The following BUB3 variants were observed in gnomAD, a reference collection of about 807,000 sequenced individuals.
BUB3 encodes BUB3 mitotic checkpoint protein, also known as mitotic checkpoint protein BUB3.
Under a neutral mutation model 39.9 loss-of-function variants are expected in BUB3, and 22 were observed. The ratio of observed to expected loss-of-function variants is 0.55; its 90% CI spans 0.39 to 0.79. The LOEUF (loss-of-function observed/expected upper bound fraction) is 0.79, where lower values mean the gene tolerates loss of function less well. BUB3 is among the 30% of genes least tolerant of loss of function. The pLI is 0.00. For synonymous variants in BUB3, 168 were observed against 155.1 expected (o/e 1.08, Z -0.62); for missense variants, 303 against 415.4 (o/e 0.73, Z 2.35).
In BUB3 at chr10:123,169,634, C is replaced by G. The variant is rs78368091; in HGVS notation, c.*5799C>G. The G allele has an allele frequency of 6.6e-6, 1 of 152,146 alleles. No homozygotes were observed. Among genetic ancestry groups the G allele is most frequent in the Non-Finnish European group, 1.5e-5 (1 of 68,026 alleles). 9.4% of individuals were successfully genotyped at this position (152,146 alleles called of 1,614,324 possible). ...GCAATGTGGGCAGAAATTCCTTGTT[C>G]GAGAGCCTTCTGGTTATACTTTAAA... is the stretch of plus-strand genomic sequence containing the variant. On this transcript the variant is annotated 3_prime_UTR_variant, in exon 8 of 8. Coordinates refer to ENST00000368865, the MANE Select transcript of BUB3 (RefSeq NM_004725.4).
chr10:123,161,310 A>G (rs534253627), intron 5 of BUB3, among the ~76,000 whole-genome samples: 2 of 152,302 alleles, frequency 1.3e-5, no homozygotes, highest in African/African-American at 2.4e-5. Flanking sequence ...TGAAGCAGGT[A>G]TGTTATTCTC....
intron 3 of BUB3, 40 bp from the exon 4 acceptor site, chr10:123,157,689 C>A: frequency 1.3e-6 from 2 of 1,527,498 alleles, no homozygotes; most frequent in Admixed American, 2.0e-5. Flanking sequence ...AGGTAGTAAG[C>A]TAGATGTTGG....
chr10:123,169,676 A>C lies in BUB3; in HGVS notation c.*5841A>C, dbSNP rs944112910. The C allele has an allele frequency of 5.3e-5, 8 of 152,232 alleles. No homozygotes were observed. Among genetic ancestry groups the C allele is most frequent in the African/African-American group, 1.9e-4 (8 of 41,462 alleles). 9.4% of individuals were successfully genotyped at this position (152,232 alleles called of 1,614,324 possible). A position where few individuals can be genotyped will look rare whatever the true frequency, so the allele number is the denominator to read the frequency against. ...TACTTTAAAAAGAAGGGAGCCTAGC[A>C]TCTTGTCAAATCTTTGAGCCCACTC... On this transcript the variant is annotated 3_prime_UTR_variant, in exon 8 of 8. Coordinates refer to ENST00000368865, the MANE Select transcript of BUB3 (RefSeq NM_004725.4).
In BUB3 at chr10:123,162,826, C is replaced by A. The variant is rs1419119937; in HGVS notation, c.969C>A (p.Pro323=). The A allele has an allele frequency of 6.2e-7, 1 of 1,610,796 alleles. No individual in the cohort carries two copies. Among genetic ancestry groups the A allele is most frequent in the Non-Finnish European group, 8.5e-7 (1 of 1,178,160 alleles). Residue 323 remains proline (P), a splice_region_variant and synonymous_variant, in exon 7 of 8, where the codon CCC becomes CCA. Transcript: ENST00000368865. The part of the protein sequence containing the change: ...IRQVTDAETK[P]KSPCT ...AAGTGACAGATGCAGAAACAAAACC[C>A]AAGTGAGTATGCTTCACCTGTATTT...
intron 2 of BUB3, 99 bp from the exon 3 acceptor site, chr10:123,155,559 C>G: frequency 8.9e-7 from 1 of 1,118,394 alleles, no homozygotes; most frequent in Non-Finnish European, 1.3e-6. Flanking sequence ...GAGCCCAGTG[C>G]ATATCCCGAG....
In BUB3 at chr10:123,168,207, C is replaced by A. The variant is rs532404421; in HGVS notation, c.*4372C>A. 26 of 152,328 alleles carry A rather than the reference C, an allele frequency of 1.7e-4. No homozygotes were observed. Among genetic ancestry groups the A allele is most frequent in the African/African-American group, 5.5e-4 (23 of 41,574 alleles). The allele number at this position is 152,328 out of a possible 1,614,324, so 9.4% of individuals were successfully genotyped here. A position where few individuals can be genotyped will look rare whatever the true frequency, so the allele number is the denominator to read the frequency against. ...CACACTGTATGTCAGGGCTCCAGAACTTACTCATCTCATAGGAGGCAGCTA... is the reference window on the plus strand; with the variant it reads ...CACACTGTATGTCAGGGCTCCAGAAATTACTCATCTCATAGGAGGCAGCTA... On this transcript the variant is annotated 3_prime_UTR_variant, in exon 8 of 8. Transcript: ENST00000368865.
intron 3 of BUB3, among the ~76,000 whole-genome samples, chr10:123,157,061 T>C (rs898994895): frequency 2.6e-5 from 4 of 152,204 alleles, no homozygotes; most frequent in Non-Finnish European, 4.4e-5. Context: ...TTCATTCCTA[T>C]ATCCTTAGCA....
At chr10:123,154,844 C>A (rs572737669) in intron 1 of BUB3, 74 bp from the exon 2 acceptor site, 1 of 1,494,610 alleles carries the variant, frequency 6.7e-7, no homozygotes, top group African/African-American at 1.4e-5. Context: ...TCTGGGGGGA[C>A]CCCCAGTGCC....
In BUB3 at chr10:123,166,223, T is replaced by G. The variant is rs1160654713; in HGVS notation, c.*2388T>G. 6.6e-6 allele frequency: 1 copy of G among 152,236 alleles called. No individual in the cohort carries two copies. Among genetic ancestry groups the G allele is most frequent in the Non-Finnish European group, 1.5e-5 (1 of 68,044 alleles). The allele number at this position is 152,236 out of a possible 1,614,324, so 9.4% of individuals were successfully genotyped here. ...CTTTAAGTGTCTCTTCTGTTTATCT[T>G]TTCTTCCTACTGCTACCATCCCAGG... On this transcript the variant is annotated 3_prime_UTR_variant, in exon 8 of 8. Coordinates refer to ENST00000368865, the MANE Select transcript of BUB3 (RefSeq NM_004725.4).
At chr10:123,158,141 T>C (rs1435386053) in intron 4 of BUB3, among the ~76,000 whole-genome samples, 1 of 152,232 alleles carries the variant, frequency 6.6e-6, no homozygotes, top group African/African-American at 2.4e-5. Flanking sequence ...AATCGCAAAA[T>C]TGAGAAGCAA....
rs1388431127 is a variant in BUB3, at chr10:123,168,084, G to A, written c.*4249G>A. On this transcript the variant is annotated 3_prime_UTR_variant, in exon 8 of 8. Coordinates refer to ENST00000368865, the MANE Select transcript of BUB3 (RefSeq NM_004725.4). ...CCCTAAGAGCTGGGATTATAGGCGT[G>A]AGCCACCCCACCCGGCCTATGTCAT... The A allele has an allele frequency of 2.0e-5, 3 of 152,020 alleles. No homozygotes were observed. In the East Asian group the frequency reaches 5.8e-4, roughly 29 times the overall value. The allele number at this position is 152,020 out of a possible 1,614,324, so 9.4% of individuals were successfully genotyped here. A position where few individuals can be genotyped will look rare whatever the true frequency, so the allele number is the denominator to read the frequency against.
rs1317264065 is a variant in BUB3 at position 123,162,226 on chromosome 10, C to T, written c.577-10C>T. On this transcript the variant is annotated splice_polypyrimidine_tract_variant and intron_variant, in intron 5 of 7. Transcript: ENST00000368865. The stretch of plus-strand genomic sequence containing the variant: ...TTTACCATTTTTTTCCTCTGGTTCT[C>T]TCTTGGCAGGGTTATGTATTAAGCT... 12 of 1,600,720 alleles carry T rather than the reference C, an allele frequency of 7.5e-6. No homozygotes were observed. Among genetic ancestry groups the T allele is most frequent in the Non-Finnish European group, 9.4e-6 (11 of 1,175,224 alleles).
rs1207378091 is a variant in BUB3, at chr10:123,155,643, A to T, written c.196-15A>T. 1.2e-6 allele frequency: 2 copies of T among 1,613,324 alleles called. No individual in the cohort carries two copies. Among genetic ancestry groups the T allele is most frequent in the South Asian group, 2.2e-5 (2 of 91,044 alleles). Reference sequence around the variant, plus strand: ...AAAAGTTCTAGTTTTTAAACGGTTCAAAACTATTTTATAGGATCCAACGCA... The same window carrying T: ...AAAAGTTCTAGTTTTTAAACGGTTCTAAACTATTTTATAGGATCCAACGCA... On this transcript the variant is annotated splice_polypyrimidine_tract_variant and intron_variant, in intron 2 of 7. Coordinates refer to ENST00000368865, the MANE Select transcript of BUB3 (RefSeq NM_004725.4).
In BUB3 at chr10:123,163,922, C is replaced by G; in HGVS notation, c.*87C>G. The G allele has an allele frequency of 1.4e-6, 2 of 1,390,434 alleles. No individual in the cohort carries two copies. Among genetic ancestry groups the G allele is most frequent in the Non-Finnish European group, 9.5e-7 (1 of 1,050,402 alleles). The allele number at this position is 1,390,434 out of a possible 1,614,324, so 86.1% of individuals were successfully genotyped here. A position where few individuals can be genotyped will look rare whatever the true frequency, so the allele number is the denominator to read the frequency against. On this transcript the variant is annotated 3_prime_UTR_variant, in exon 8 of 8. Coordinates refer to ENST00000368865, the MANE Select transcript of BUB3 (RefSeq NM_004725.4). The stretch of plus-strand genomic sequence containing the variant: ...GTGGATTTATTACTATTAAAGAAAC[C>G]AGGGAAAATATTAATTTTAATATTA...
At chr10:123,159,451 A>G (rs144296901) in intron 4 of BUB3, among the ~76,000 whole-genome samples, 15 of 152,382 alleles carry the variant, frequency 9.8e-5, no homozygotes, top group Middle Eastern at 3.4e-3. Context: ...ATTGAAAATA[A>G]TAGAGCACAG....
At position 123,165,016 on chromosome 10, in the gene BUB3, C is replaced by T. The variant is rs1844471510; in HGVS notation, c.*1181C>T. On this transcript the variant is annotated 3_prime_UTR_variant, in exon 8 of 8. Coordinates refer to ENST00000368865, the MANE Select transcript of BUB3 (RefSeq NM_004725.4). ...TGAAAACTTGGTGTAAGTCTGAACCCATCTTTTGAAATGTATTTTCTTCAT... is the reference window on the plus strand; with the variant it reads ...TGAAAACTTGGTGTAAGTCTGAACCTATCTTTTGAAATGTATTTTCTTCAT... 1.9e-6 allele frequency: 3 copies of T among 1,611,110 alleles called. No individual in the cohort carries two copies. The highest frequency in any genetic ancestry group is 2.5e-6 in the Non-Finnish European group (3 of 1,178,792).
At position 123,167,579 on chromosome 10, in the gene BUB3, T is replaced by G. The variant is rs989756791; in HGVS notation, c.*3744T>G. The stretch of plus-strand genomic sequence containing the variant: ...TTTGATATTGCTGAATTATATAGAC[T>G]CCTTTTAAAATAATTTGAAATATAA... On this transcript the variant is annotated 3_prime_UTR_variant, in exon 8 of 8. Transcript: ENST00000368865. 6.6e-6 allele frequency: 1 copy of G among 152,130 alleles called. No individual in the cohort carries two copies. Among genetic ancestry groups the G allele is most frequent in the African/African-American group, 2.4e-5 (1 of 41,416 alleles). The allele number at this position is 152,130 out of a possible 1,614,324, so 9.4% of individuals were successfully genotyped here.
In BUB3 at chr10:123,166,876, G is replaced by A. The variant is rs527614940; in HGVS notation, c.*3041G>A. ...TTGTTCTGTGGGAGATCCAGGCCTT[G>A]TTAGAAGGACCAAGGCCAGAATGCC... On this transcript the variant is annotated 3_prime_UTR_variant, in exon 8 of 8. Coordinates refer to ENST00000368865, the MANE Select transcript of BUB3 (RefSeq NM_004725.4). 22 of 152,324 alleles carry A rather than the reference G, an allele frequency of 1.4e-4. No individual in the cohort carries two copies. Among genetic ancestry groups the A allele is most frequent in the African/African-American group, 5.3e-4 (22 of 41,574 alleles). 9.4% of individuals were successfully genotyped at this position (152,324 alleles called of 1,614,324 possible).
In BUB3 at chr10:123,167,203, C is replaced by T. The variant is rs888629675; in HGVS notation, c.*3368C>T. Reference sequence around the variant, plus strand: ...TGGGGTTCTTCTCTTACGCTGAGAGCCAGGTTACTTTCTTCACTATCACTC... The same window carrying T: ...TGGGGTTCTTCTCTTACGCTGAGAGTCAGGTTACTTTCTTCACTATCACTC... On this transcript the variant is annotated 3_prime_UTR_variant, in exon 8 of 8. Coordinates refer to ENST00000368865, the MANE Select transcript of BUB3 (RefSeq NM_004725.4). 1.3e-5 allele frequency: 2 copies of T among 152,246 alleles called. No individual in the cohort carries two copies. The highest frequency in any genetic ancestry group is 4.8e-5 in the African/African-American group (2 of 41,450). 9.4% of individuals were successfully genotyped at this position (152,246 alleles called of 1,614,324 possible). A position where few individuals can be genotyped will look rare whatever the true frequency, so the allele number is the denominator to read the frequency against.
Sources: allele counts gnomAD v4.1 joint callset (sites outside exome capture counted in the v4.1 genomes callset), GRCh38; gene constraint gnomAD v4.1.1; transcripts MANE v1.5; gene names NCBI Gene and HGNC (gene_info 2026-07-23, HGNC 2026-07-21).